IGSF11: variants seen among roughly 807,000 people sequenced by gnomAD.
IGSF11 encodes CXADR like 1.
In IGSF11, 22 loss-of-function variants were observed where a neutral mutation model predicts 41.0. The ratio of observed to expected loss-of-function variants is 0.54; its 90% confidence interval spans 0.38 to 0.77. The LOEUF (loss-of-function observed/expected upper bound fraction) is 0.77. IGSF11 is among the 30% of genes least tolerant of loss of function. IGSF11 has a pLI of 0.00. For missense variants in IGSF11, 444 were observed against 530.8 expected (o/e 0.84, Z 1.61); for synonymous variants, 219 against 201.3 (o/e 1.09, Z -0.74).
chr3:119,059,178 A>T (rs1297317624), intron 1 of IGSF11, among the ~76,000 whole-genome samples: 1 of 64,222 alleles, frequency 1.6e-5, no homozygotes, highest in Non-Finnish European at 2.9e-5. Flanking sequence ...ATATACACAG[A>T]TCACACACAC....
At chr3:118,942,751 G>C (rs561904374) in intron 1 of IGSF11, among the ~76,000 whole-genome samples, 24 of 152,294 alleles carry the variant, frequency 1.6e-4, no homozygotes, top group African/African-American at 5.5e-4. Flanking sequence ...TTGTCAAGTT[G>C]TCTGTGTATT....
At chr3:118,953,062 T>C (rs1944689752) in intron 1 of IGSF11, among the ~76,000 whole-genome samples, 1 of 151,978 alleles carries the variant, frequency 6.6e-6, no homozygotes, top group Non-Finnish European at 1.5e-5. Context: ...TTCCAACCTT[T>C]CCCCACTTTC....
rs755131504 is a variant in IGSF11, at chr3:118,902,802, G to A, written c.1014C>T (p.Phe338=). Residue 338 remains phenylalanine, a synonymous_variant, in exon 7 of 7, where the codon TTC becomes TTT. Transcript: ENST00000393775. ...AAGAGAAAGATTGGCCCAAGTCACT[G>A]AAGTGGCTGACTGACTCTGTGTTTC... ...VHRNTESVSH[F]SDLGQSFSFH... 14 of 1,614,192 alleles carry A rather than the reference G, an allele frequency of 8.7e-6. No individual in the cohort carries two copies. In the South Asian group the frequency reaches 1.2e-4, roughly 14 times the overall value.
intron 1 of IGSF11, among the ~76,000 whole-genome samples, chr3:119,116,156 A>G (rs1299032947): frequency 6.6e-6 from 1 of 152,174 alleles, no homozygotes; most frequent in East Asian, 1.9e-4. Context: ...GAATTGGTGG[A>G]CTCAGTAATG....
At chr3:119,080,993 T>C (rs1199101830) in intron 1 of IGSF11, among the ~76,000 whole-genome samples, 3 of 152,130 alleles carry the variant, frequency 2.0e-5, no homozygotes, top group Non-Finnish European at 4.4e-5. Context: ...TAATTTTCAT[T>C]TTAGGGAAAT....
intron 4 of IGSF11, among the ~76,000 whole-genome samples, chr3:118,913,225 C>T (rs892546069): frequency 6.6e-6 from 1 of 151,086 alleles, no homozygotes; most frequent in East Asian, 1.9e-4. Flanking sequence ...CAAGAGCTAA[C>T]AGGAAACAAT....
intron 1 of IGSF11, among the ~76,000 whole-genome samples, chr3:119,058,661 A>G (rs905749050): frequency 1.3e-5 from 2 of 152,256 alleles, no homozygotes; most frequent in Non-Finnish European, 1.5e-5. Context: ...GCTGCTATAA[A>G]GACATATGCA....
intron 1 of IGSF11, among the ~76,000 whole-genome samples, chr3:119,129,808 G>A (rs2077452525): frequency 6.6e-6 from 1 of 152,092 alleles, no homozygotes; most frequent in Admixed American, 6.5e-5. Flanking sequence ...AATATAGTGA[G>A]ACACTGTCTC....
chr3:118,962,416 A>G (rs747048026), intron 1 of IGSF11, among the ~76,000 whole-genome samples: 1 of 152,188 alleles, frequency 6.6e-6, no homozygotes, highest in Non-Finnish European at 1.5e-5. Context: ...CATTATTATT[A>G]GTGAAAATAA....
intron 1 of IGSF11, among the ~76,000 whole-genome samples, chr3:118,967,576 TGTCAGTAGGAATTTCTACTA>T (rs1361235482): frequency 6.6e-6 from 1 of 152,042 alleles, no homozygotes; most frequent in Non-Finnish European, 1.5e-5. Context: ...CCTACTGACT[TGTCAGTAGGAATTTCTACTA>T]GTCAGTAGGA....
At chr3:119,029,631 G>A (rs1940208025) in intron 1 of IGSF11, among the ~76,000 whole-genome samples, 2 of 152,194 alleles carry the variant, frequency 1.3e-5, no homozygotes, top group Admixed American at 1.3e-4. Flanking sequence ...GAATCATTAA[G>A]GGGAATACAG....
At chr3:119,003,935 G>T (rs1193704690) in intron 1 of IGSF11, among the ~76,000 whole-genome samples, 1 of 150,294 alleles carries the variant, frequency 6.7e-6, no homozygotes, top group African/African-American at 2.5e-5. Flanking sequence ...TTTTTTGGTT[G>T]TGTCTCTGCC....
intron 1 of IGSF11, among the ~76,000 whole-genome samples, chr3:119,144,309 A>G (rs72953092): frequency 0.08 from 12,119 of 152,260 alleles, 640 homozygotes; most frequent in Admixed American, 0.16. Context: ...TTGACCAATT[A>G]GACCTAACGC....
intron 1 of IGSF11, among the ~76,000 whole-genome samples, chr3:119,134,384 A>G (rs547408556): frequency 2.2e-4 from 33 of 152,332 alleles, no homozygotes; most frequent in Non-Finnish European, 3.8e-4. Flanking sequence ...TACAAAATCA[A>G]TGTGCAAAAA....
chr3:119,018,564 T>G (rs934223694), intron 1 of IGSF11, among the ~76,000 whole-genome samples: 2 of 152,248 alleles, frequency 1.3e-5, no homozygotes, highest in Non-Finnish European at 2.9e-5. Flanking sequence ...TTATCTTACT[T>G]AATATTCCAG....
intron 1 of IGSF11, among the ~76,000 whole-genome samples, chr3:119,081,665 A>G (rs2076588484): frequency 6.6e-6 from 1 of 152,200 alleles, no homozygotes; most frequent in Non-Finnish European, 1.5e-5. Context: ...GGGAGCCTCA[A>G]TTTCCTTACT....
intron 1 of IGSF11, among the ~76,000 whole-genome samples, chr3:118,968,512 C>A (rs1413149242): frequency 6.6e-6 from 1 of 152,148 alleles, no homozygotes; most frequent in Non-Finnish European, 1.5e-5. Context: ...CTTATCCAAG[C>A]ATATAAATGA....
In IGSF11 at chr3:119,007,411, A is replaced by C. The variant is rs1313229801; in HGVS notation, c.52+27120T>G. On this transcript the variant is annotated intron_variant, in intron 1 of 6. Coordinates refer to ENST00000393775, the MANE Select transcript of IGSF11 (RefSeq NM_001015887.3). ...CCGGTACCTCAGATGGAAATGCAGA[A>C]ATCACCCGTCTTCTGCGTCGCTCAC... is the stretch of plus-strand genomic sequence containing the variant. 1.3e-5 allele frequency among the ~76,000 whole-genome samples: 2 copies of C among 150,892 alleles called. 1 individual carries two copies. Among genetic ancestry groups the C allele is most frequent in the South Asian group, 4.2e-4 (2 of 4,726 alleles).
At chr3:119,142,200 G>A (rs957252240) in intron 1 of IGSF11, among the ~76,000 whole-genome samples, 40 of 150,252 alleles carry the variant, frequency 2.7e-4, no homozygotes, top group Non-Finnish European at 4.7e-4. Flanking sequence ...GCGTGAACCT[G>A]GGAGGCGGAG....
Sources: allele counts gnomAD v4.1 joint callset (sites outside exome capture counted in the v4.1 genomes callset), GRCh38; gene constraint gnomAD v4.1.1; transcripts MANE v1.5; gene names NCBI Gene and HGNC (gene_info 2026-07-23, HGNC 2026-07-21).